FGFR3: variants seen among roughly 807,000 people sequenced by gnomAD.
FGFR3 encodes fibroblast growth factor receptor 3.
In FGFR3, 25 loss-of-function variants were observed where a neutral mutation model predicts 82.9. The observed-to-expected ratio is 0.30, with a 90% CI of 0.22 to 0.42. The LOEUF (loss-of-function observed/expected upper bound fraction) is 0.42, where lower values mean the gene tolerates loss of function less well. FGFR3 is among the 10% of genes least tolerant of loss of function. FGFR3 has a pLI of 1.00. For synonymous variants in FGFR3, 620 were observed against 516.0 expected (o/e 1.20, Z -2.73); for missense variants, 1,026 against 1,161.0 (o/e 0.88, Z 1.69).
Position 1,806,862 on chromosome 4 carries a change from G to A in FGFR3, c.2202G>A (p.Ala734=), listed in dbSNP as rs1721990954. The A allele has an allele frequency of 1.2e-6, 2 of 1,611,254 alleles. No individual in the cohort carries two copies. The highest frequency in any genetic ancestry group is 8.5e-7 in the Non-Finnish European group (1 of 1,179,468). ...TCATGCGGGAGTGCTGGCATGCCGC[G>A]CCCTCCCAGAGGCCCACCTTCAAGC... ...YMIMRECWHA[A]PSQRPTFKQL... The change falls in exon 17 of 18, where the codon GCG becomes GCA. Residue 734 remains alanine, a synonymous_variant. Coordinates refer to ENST00000440486, the MANE Select transcript of FGFR3 (RefSeq NM_000142.5).
chr4:1,803,641 G>T, intron 7 of FGFR3, 51 bp from the exon 8 acceptor site: 1 of 1,597,920 alleles, frequency 6.3e-7, no homozygotes, highest in Non-Finnish European at 8.5e-7. Context: ...TCTGTGCGGT[G>T]CCCGCAGGGC....
Position 1,807,280 on chromosome 4 carries a change from A to G in FGFR3, c.*18A>G, listed in dbSNP as rs768467199. 3 of 1,585,238 alleles carry G rather than the reference A, an allele frequency of 1.9e-6. No homozygotes were observed. The highest frequency in any genetic ancestry group is 1.1e-5 in the South Asian group (1 of 87,612). On this transcript the variant is annotated 3_prime_UTR_variant, in exon 18 of 18. Coordinates refer to ENST00000440486, the MANE Select transcript of FGFR3 (RefSeq NM_000142.5). ...GGACGTGAAGGGCCACTGGTCCCCA[A>G]CAATGTGAGGGGTCCCTAGCAGCCC...
At position 1,799,517 on chromosome 4, in the gene FGFR3, G is replaced by T. The variant is rs1325407910; in HGVS notation, c.373G>T (p.Val125Leu). The T allele has an allele frequency of 6.4e-7, 1 of 1,554,620 alleles. No individual in the cohort carries two copies. Residue 125 changes from valine (V) to leucine (L), a missense_variant, in exon 3 of 18, where the codon GTG becomes TTG. This residue lies in a region of FGFR3 where 226 missense variants were observed against 222.0 expected (regional missense o/e 1.02). Coordinates refer to ENST00000440486, the MANE Select transcript of FGFR3 (RefSeq NM_000142.5). ...CGTACTGTGCCACTTCAGTGTGCGG[G>T]TGACAGGTGAGCTCTGGGGCCACGC... ...QRVLCHFSVR[V>L]TDAPSSGDDE...
In FGFR3 at chr4:1,793,473, C is replaced by A; in HGVS notation, c.-103+8C>A. ...GGCTCCGGCGCTCGCCAGGTCCGTG[C>A]TTGGGGCCGGGCAGGCTCGCGGAGG... On this transcript the variant is annotated splice_region_variant and intron_variant, in intron 1 of 17. Transcript: ENST00000440486. The A allele has an allele frequency of 6.7e-6, 1 of 149,410 alleles. No homozygotes were observed. The allele number at this position is 149,410 out of a possible 1,614,324, so 9.3% of individuals were successfully genotyped here.
Position 1,807,200 on chromosome 4 carries a change from T to C in FGFR3, c.2359T>C (p.Ser787Pro), listed in dbSNP as rs1255727235. 1 of 1,608,312 alleles carries C rather than the reference T, an allele frequency of 6.2e-7. No homozygotes were observed. Among genetic ancestry groups the C allele is most frequent in the East Asian group, 2.2e-5 (1 of 44,670 alleles). The change falls in exon 18 of 18, where the codon TCC (serine) becomes CCC (proline). Residue 787 changes from serine (S) to proline (P), a missense_variant. Transcript: ENST00000440486. ...CAGCTCCAGCTCCTCAGGGGACGAC[T>C]CCGTGTTTGCCCACGACCTGCTGCC... ...TPSSSSSGDD[S>P]VFAHDLLPPA...
Position 1,807,622 on chromosome 4 carries a change from G to T in FGFR3, c.*360G>T, listed in dbSNP as rs17881782. 6.1e-6 allele frequency: 4 copies of T among 656,290 alleles called. No homozygotes were observed. The highest frequency in any genetic ancestry group is 5.4e-5 in the Admixed American group (3 of 55,494). The allele number at this position is 656,290 out of a possible 1,614,324, so 40.7% of individuals were successfully genotyped here. On this transcript the variant is annotated 3_prime_UTR_variant, in exon 18 of 18. Transcript: ENST00000440486. ...AGGGAGCTGGGCCCGACATGGCTCC[G>T]GCCTCTGCCTTTGCACCACGGGACA...
At position 1,807,882 on chromosome 4, in the gene FGFR3, C is replaced by T. The variant is rs760073016; in HGVS notation, c.*620C>T. 1.2e-5 allele frequency: 5 copies of T among 422,648 alleles called. No homozygotes were observed. The highest frequency in any genetic ancestry group is 2.0e-5 in the African/African-American group (1 of 50,334). 26.2% of individuals were successfully genotyped at this position (422,648 alleles called of 1,614,324 possible). A position where few individuals can be genotyped will look rare whatever the true frequency, so the allele number is the denominator to read the frequency against. On this transcript the variant is annotated 3_prime_UTR_variant, in exon 18 of 18. Transcript: ENST00000440486. Reference sequence around the variant, plus strand: ...TAGTGTACATTTCTATAAATAGATGCTGTGTATATGGTATATATACATATA... The same window carrying T: ...TAGTGTACATTTCTATAAATAGATGTTGTGTATATGGTATATATACATATA...
At chr4:1,799,925 G>T (rs1342895303) in intron 4 of FGFR3, 113 bp downstream of exon 4, 1 of 1,230,804 alleles carries the variant, frequency 8.1e-7, no homozygotes, top group South Asian at 1.4e-5. Context: ...CCTCCCTGGG[G>T]TCACCCCGAA....
In FGFR3 at chr4:1,805,355, G is replaced by C. The variant is rs1389478749; in HGVS notation, c.1413G>C (p.Arg471=). ...ATGGTCCCTCTGCCTCCACTGCCAG[G>C]CTGACCCTGGGCAAGCCCCTTGGGG... ...ADPKWELSRA[R]LTLGKPLGEG... The change falls in exon 11 of 18, where the codon CGG becomes CGC. Residue 471 remains arginine (R), a splice_region_variant and synonymous_variant. Coordinates refer to ENST00000440486, the MANE Select transcript of FGFR3 (RefSeq NM_000142.5). 8 of 1,611,464 alleles carry C rather than the reference G, an allele frequency of 5.0e-6. No homozygotes were observed. Among genetic ancestry groups the C allele is most frequent in the Non-Finnish European group, 6.8e-6 (8 of 1,179,896 alleles).
intron 2 of FGFR3, 27 bp from the exon 3 acceptor site, chr4:1,799,227 C>A (rs746941735): frequency 2.5e-6 from 4 of 1,611,632 alleles, no homozygotes; most frequent in Non-Finnish European, 3.4e-6. Flanking sequence ...GGGGTGCCTG[C>A]CTCATGGTTG....
rs189264142 is a variant in FGFR3 at position 1,807,172 on chromosome 4, C to T, written c.2331C>T (p.Thr777=). The T allele has an allele frequency of 4.9e-5, 79 of 1,603,278 alleles. 1 individual carries two copies. The East Asian group carries it at 8.6e-4, about 17-fold the overall frequency. ...AGTACTCCCCGGGTGGCCAGGACAC[C>T]CCCAGCTCCAGCTCCTCAGGGGACG... ...FEQYSPGGQD[T]PSSSSSGDDS... Residue 777 remains threonine (T), a synonymous_variant, in exon 18 of 18, where the codon ACC becomes ACT. Coordinates refer to ENST00000440486, the MANE Select transcript of FGFR3 (RefSeq NM_000142.5).
intron 2 of FGFR3, among the ~76,000 whole-genome samples, chr4:1,798,085 A>T (rs1720729099): frequency 6.6e-6 from 1 of 151,778 alleles, no homozygotes; most frequent in Admixed American, 6.5e-5. Context: ...CTGGCAGGGA[A>T]GCCTAGGGGC....
At chr4:1,800,941 C>T (rs954174085) in intron 4 of FGFR3, among the ~76,000 whole-genome samples, 2 of 152,188 alleles carry the variant, frequency 1.3e-5, no homozygotes, top group Non-Finnish European at 2.9e-5. Context: ...TGCTGCCCAG[C>T]TGCCTCCAAG....
At chr4:1,802,919 G>T in intron 7 of FGFR3, 1 of 1,595,768 alleles carries the variant, frequency 6.3e-7, no homozygotes, top group Non-Finnish European at 8.5e-7. Context: ...CGCAGTCCTG[G>T]ATCAGTGAGA....
At position 1,801,494 on chromosome 4, in the gene FGFR3, C is replaced by A; in HGVS notation, c.573C>A (p.Asn191Lys). 1 of 1,559,450 alleles carries A rather than the reference C, an allele frequency of 6.4e-7. No individual in the cohort carries two copies. Among genetic ancestry groups the A allele is most frequent in the Non-Finnish European group, 8.7e-7 (1 of 1,152,180 alleles). Residue 191 changes from asparagine (N) to lysine (K), a missense_variant, in exon 5 of 18, where the codon AAC becomes AAA. Transcript: ENST00000440486. ...CTCCCTCCATCTCCTGGCTGAAGAA[C>A]GGCAGGGAGTTCCGCGGCGAGCACC... ...NPTPSISWLK[N>K]GREFRGEHRI...
In FGFR3 at chr4:1,807,312, C is replaced by T. The variant is rs1343029028; in HGVS notation, c.*50C>T. The T allele has an allele frequency of 7.7e-6, 12 of 1,553,840 alleles. No individual in the cohort carries two copies. The highest frequency in any genetic ancestry group is 4.1e-5 in the African/African-American group (3 of 73,648). On this transcript the variant is annotated 3_prime_UTR_variant, in exon 18 of 18. Coordinates refer to ENST00000440486, the MANE Select transcript of FGFR3 (RefSeq NM_000142.5). ...GAGGGGTCCCTAGCAGCCCACCCTGCTGCTGGTGCACAGCCACTCCCCGGC... is the reference window on the plus strand; with the variant it reads ...GAGGGGTCCCTAGCAGCCCACCCTGTTGCTGGTGCACAGCCACTCCCCGGC...
In FGFR3 at chr4:1,808,604, ACG is replaced by A. The variant is rs1176845923; in HGVS notation, c.*1344_*1345del. On this transcript the variant is annotated 3_prime_UTR_variant, in exon 18 of 18. Coordinates refer to ENST00000440486, the MANE Select transcript of FGFR3 (RefSeq NM_000142.5). ...ATTTGTTGTAGACTTAACACTTCTT[ACG>A]CAATGCTTCTAGAGTTTTATAGCCT... 2 of 231,344 alleles carry A rather than the reference ACG, an allele frequency of 8.6e-6. No individual in the cohort carries two copies. The highest frequency in any genetic ancestry group is 1.7e-5 in the Non-Finnish European group (2 of 116,662). The allele number at this position is 231,344 out of a possible 1,614,324, so 14.3% of individuals were successfully genotyped here. A position where few individuals can be genotyped will look rare whatever the true frequency, so the allele number is the denominator to read the frequency against.
At chr4:1,805,286 G>T in intron 10 of FGFR3, 69 bp from the exon 11 acceptor site, 2 of 1,598,200 alleles carry the variant, frequency 1.3e-6, no homozygotes, top group Non-Finnish European at 1.7e-6. Flanking sequence ...GCCAGGCTGG[G>T]GTGGGGACCG....
In FGFR3 at chr4:1,793,919, G is replaced by GGCCCCCGCCCCC; in HGVS notation, c.-12_-1dup. The stretch of plus-strand genomic sequence containing the variant: ...CGCGCGCGCTGCCTGAGGACGCCGC[G>GGCCCCCGCCCCC]GCCCCCGCCCCCGCCATGGGCGCCC... On this transcript the variant is annotated 5_prime_UTR_variant, in exon 2 of 18. Coordinates refer to ENST00000440486, the MANE Select transcript of FGFR3 (RefSeq NM_000142.5). 1.6e-6 allele frequency: 2 copies of GGCCCCCGCCCCC among 1,215,884 alleles called. No homozygotes were observed. Among genetic ancestry groups the GGCCCCCGCCCCC allele is most frequent in the Non-Finnish European group, 2.1e-6 (2 of 957,128 alleles). The allele number at this position is 1,215,884 out of a possible 1,614,324, so 75.3% of individuals were successfully genotyped here.
Sources: allele counts gnomAD v4.1 joint callset (sites outside exome capture counted in the v4.1 genomes callset), GRCh38; gene constraint gnomAD v4.1.1; regional missense constraint gnomAD v4.1.1; transcripts MANE v1.5; gene names NCBI Gene and HGNC (gene_info 2026-07-23, HGNC 2026-07-21).